Variants in IL37 observed in about 807,000 individuals in gnomAD.
IL37 encodes the protein interleukin-37.
A neutral mutation model predicts 15.4 loss-of-function variants in IL37; 15 were observed. The observed-to-expected ratio is 0.98, with a 90% CI of 0.65 to 1.50. The LOEUF is 1.50. Among genes scored for constraint, IL37 ranks in the 40% most tolerant of loss-of-function variants. IL37 has a pLI of 0.00. For missense variants in IL37, 269 were observed against 261.7 expected (o/e 1.03, Z -0.19); for synonymous variants, 98 against 97.4 (o/e 1.01, Z -0.03).
chr2:112,913,368 A>G (rs2104973818), intron 2 of IL37, among the ~76,000 whole-genome samples: 1 of 152,340 alleles, frequency 6.6e-6, no homozygotes, highest in Non-Finnish European at 1.5e-5. Context: ...GGATGGTTGC[A>G]TATGCTTCAA....
intron 3 of IL37, among the ~76,000 whole-genome samples, chr2:112,914,721 C>T (rs1432621973): frequency 6.6e-6 from 1 of 152,226 alleles, no homozygotes. Context: ...GAACCACGCA[C>T]ACAAGCCTCT....
Position 112,912,322 on chromosome 2 carries a change from A to G in IL37, c.-50-641A>G, listed in dbSNP as rs150070404. On this transcript the variant is annotated intron_variant, in intron 1 of 5. Coordinates refer to ENST00000263326, the MANE Select transcript of IL37 (RefSeq NM_014439.4). Reference sequence around the variant, plus strand: ...AATATATCTCCTCCAACCCCTCCCAATGAAGCAAGTCACGTGAGTCAATCC... The same window carrying G: ...AATATATCTCCTCCAACCCCTCCCAGTGAAGCAAGTCACGTGAGTCAATCC... Among the ~76,000 whole-genome samples, 30 of 152,254 alleles carry G rather than the reference A, an allele frequency of 2.0e-4. No homozygotes were observed. In the East Asian group the frequency reaches 4.4e-3, roughly 23 times the overall value.
Position 112,918,875 on chromosome 2 carries a change from T to C in IL37, c.*66T>C. ...AATTGTATAAAAACACCAAACCTGC[T>C]CACTAAACTTTCTGTCATTGGGTTT... On this transcript the variant is annotated 3_prime_UTR_variant, in exon 6 of 6. Transcript: ENST00000263326. 6.7e-7 allele frequency: 1 copy of C among 1,501,670 alleles called. No individual in the cohort carries two copies. Among genetic ancestry groups the C allele is most frequent in the South Asian group, 1.3e-5 (1 of 78,624 alleles). 93.0% of individuals were successfully genotyped at this position (1,501,670 alleles called of 1,614,324 possible). A position where few individuals can be genotyped will look rare whatever the true frequency, so the allele number is the denominator to read the frequency against.
At chr2:112,917,987 G>A (rs1055699695) in intron 5 of IL37, among the ~76,000 whole-genome samples, 1 of 152,206 alleles carries the variant, frequency 6.6e-6, no homozygotes, top group Admixed American at 6.5e-5. Flanking sequence ...CCTCACAGCG[G>A]GGAGACAGCA....
chr2:112,912,675 C>G (rs1173896159), intron 1 of IL37, among the ~76,000 whole-genome samples: 1 of 152,226 alleles, frequency 6.6e-6, no homozygotes, highest in Non-Finnish European at 1.5e-5. Context: ...AGCCCCAAGA[C>G]TAGAGCAATG....
chr2:112,917,358 G>A, intron 4 of IL37, 110 bp downstream of exon 4: 1 of 1,313,508 alleles, frequency 7.6e-7, no homozygotes, highest in Non-Finnish European at 1.1e-6. Context: ...AGCAGGTGGT[G>A]GAAGCGAGGA....
chr2:112,914,573 G>A (rs1000272376), intron 3 of IL37, among the ~76,000 whole-genome samples: 28 of 152,348 alleles, frequency 1.8e-4, no homozygotes, highest in African/African-American at 6.0e-4. Context: ...GGGACCAGGT[G>A]TGTAAGGGTG....
chr2:112,914,905 T>G (rs1212961355), intron 3 of IL37, among the ~76,000 whole-genome samples: 2 of 152,188 alleles, frequency 1.3e-5, no homozygotes, highest in Non-Finnish European at 2.9e-5. Context: ...CTCAGGGCGC[T>G]GAGGCTCTAG....
At chr2:112,917,850 C>A in intron 5 of IL37, 73 bp downstream of exon 5, 2 of 1,487,844 alleles carry the variant, frequency 1.3e-6, no homozygotes, top group South Asian at 1.1e-5. Flanking sequence ...CAATGCCTCT[C>A]GCTTTCCTGC....
chr2:112,912,026 G>A (rs1352101541), intron 1 of IL37, among the ~76,000 whole-genome samples: 2 of 152,142 alleles, frequency 1.3e-5, no homozygotes. Context: ...GAGTCCTGAA[G>A]CCCTTCCTTG....
chr2:112,917,376 C>T (rs1451955114), intron 4 of IL37, 128 bp downstream of exon 4: 2 of 1,099,108 alleles, frequency 1.8e-6, no homozygotes, highest in Non-Finnish European at 2.6e-6. Flanking sequence ...GGAGGAGAGG[C>T]CCCAGGGACT....
chr2:112,912,625 ACAGT>A (rs1337951987), intron 1 of IL37, among the ~76,000 whole-genome samples: 8 of 152,254 alleles, frequency 5.3e-5, no homozygotes, highest in African/African-American at 1.9e-4. Flanking sequence ...ATTTAAAAAA[ACAGT>A]CAGGGACCGG....
At chr2:112,917,056 T>C (rs1037934278) in intron 3 of IL37, 73 bp from the exon 4 acceptor site, 32 of 1,572,168 alleles carry the variant, frequency 2.0e-5, no homozygotes, top group African/African-American at 1.1e-4. Flanking sequence ...CTGGGGCCCT[T>C]GGACGTGGGG....
chr2:112,917,921 G>A lies in IL37; in HGVS notation c.408+144G>A, dbSNP rs972418793. 47 of 840,312 alleles carry A rather than the reference G, an allele frequency of 5.6e-5. 1 individual carries two copies. In the South Asian group the frequency reaches 5.6e-4, roughly 10 times the overall value. The allele number at this position is 840,312 out of a possible 1,614,324, so 52.1% of individuals were successfully genotyped here. A position where few individuals can be genotyped will look rare whatever the true frequency, so the allele number is the denominator to read the frequency against. ...ACCTTTCTGGAAGCACCAGGCAGAAGAGCCCCATAACTTCTTCTCTGGTTC... is the reference window on the plus strand; with the variant it reads ...ACCTTTCTGGAAGCACCAGGCAGAAAAGCCCCATAACTTCTTCTCTGGTTC... On this transcript the variant is annotated intron_variant, in intron 5 of 5. Coordinates refer to ENST00000263326, the MANE Select transcript of IL37 (RefSeq NM_014439.4).
chr2:112,916,985 AG>A (rs1683325745), intron 3 of IL37, 143 bp from the exon 4 acceptor site: 1 of 853,506 alleles, frequency 1.2e-6, no homozygotes, highest in African/African-American at 1.7e-5. Flanking sequence ...AAAGCCTGGG[AG>A]TGGAAGAAAT....
Position 112,913,009 on chromosome 2 carries a change from G to A in IL37, c.-4G>A, listed in dbSNP as rs970286740. On this transcript the variant is annotated 5_prime_UTR_variant, in exon 2 of 6. Transcript: ENST00000263326. ...TCTGTTGAGTAATAAACTCAACGTT[G>A]AAAATGTCCTTTGTGGGGGAGAACT... is the stretch of plus-strand genomic sequence containing the variant. 1 of 1,577,838 alleles carries A rather than the reference G, an allele frequency of 6.3e-7. No homozygotes were observed. The highest frequency in any genetic ancestry group is 8.6e-7 in the Non-Finnish European group (1 of 1,166,206).
At chr2:112,917,371 A>G in intron 4 of IL37, 123 bp downstream of exon 4, 1 of 1,158,764 alleles carries the variant, frequency 8.6e-7, no homozygotes, top group East Asian at 2.4e-5. Context: ...AGCGAGGAGG[A>G]GAGGCCCCAG....
At chr2:112,912,135 A>T (rs765283622) in intron 1 of IL37, among the ~76,000 whole-genome samples, 2 of 152,230 alleles carry the variant, frequency 1.3e-5, no homozygotes, top group Non-Finnish European at 2.9e-5. Context: ...TATCTCTGCA[A>T]TCTTAGAAGT....
chr2:112,913,116 A>G, intron 2 of IL37, 22 bp downstream of exon 2: 4 of 1,487,256 alleles, frequency 2.7e-6, no homozygotes, highest in Non-Finnish European at 3.6e-6. Context: ...GTAGAAATCT[A>G]CCTCAGGGCC....
Sources: gnomAD v4.1 joint callset for allele counts (sites outside exome capture counted in the v4.1 genomes callset) on GRCh38, gnomAD v4.1.1 for gene constraint, MANE v1.5 for transcripts, NCBI Gene and HGNC (gene_info 2026-07-23, HGNC 2026-07-21) for gene names.